Variants in GRK5 observed in about 807,000 individuals in gnomAD.
GRK5 encodes g protein-coupled receptor kinase GRK5.
A neutral mutation model predicts 78.4 loss-of-function variants in GRK5; 40 were observed. The observed-to-expected ratio is 0.51, with a 90% CI of 0.40 to 0.66. GRK5 has a LOEUF of 0.66. Among genes scored for constraint, GRK5 ranks in the 30% least tolerant of loss-of-function variants. GRK5 has a pLI of 0.00. For synonymous variants in GRK5, 289 were observed against 296.8 expected, an observed-to-expected ratio of 0.97 and a Z score of 0.27; for missense variants, 598 against 759.9, an observed-to-expected ratio of 0.79 and a Z score of 2.50.
At chr10:119,309,432 G>T (rs1850325476) in intron 1 of GRK5, among the ~76,000 whole-genome samples, 1 of 152,210 alleles carries the variant, frequency 6.6e-6, no homozygotes, top group African/African-American at 2.4e-5. Flanking sequence ...GGTCCAATGG[G>T]AGTGTTGAGG....
At chr10:119,350,616 G>A (rs1464902814) in intron 2 of GRK5, among the ~76,000 whole-genome samples, 1 of 152,226 alleles carries the variant, frequency 6.6e-6, no homozygotes, top group Non-Finnish European at 1.5e-5. Context: ...CCCTCTTTCA[G>A]AAGGTTTTAT....
chr10:119,375,476 G>A (rs575762162), intron 2 of GRK5, among the ~76,000 whole-genome samples: 19 of 152,244 alleles, frequency 1.2e-4, no homozygotes, highest in South Asian at 2.1e-4. Context: ...CCTCTGCCAC[G>A]ACACCTTCCA....
intron 1 of GRK5, among the ~76,000 whole-genome samples, chr10:119,255,741 C>A (rs989448449): frequency 6.6e-6 from 1 of 152,184 alleles, no homozygotes; most frequent in Non-Finnish European, 1.5e-5. Flanking sequence ...CCTTGAGGGA[C>A]AAGGTGGTGA....
At chr10:119,414,784 A>G (rs1852413119) in intron 4 of GRK5, among the ~76,000 whole-genome samples, 1 of 152,136 alleles carries the variant, frequency 6.6e-6, no homozygotes, top group African/African-American at 2.4e-5. Context: ...GTGGGTGCTC[A>G]AGAAAAGGCA....
chr10:119,208,007 C>T, intron 1 of GRK5, 38 bp downstream of exon 1: 1 of 1,589,310 alleles, frequency 6.3e-7, no homozygotes, highest in Non-Finnish European at 8.6e-7. Context: ...GCGCGTCCGC[C>T]GCGGGCCAGG....
At chr10:119,385,766 C>T (rs1412072316) in intron 3 of GRK5, among the ~76,000 whole-genome samples, 8 of 152,092 alleles carry the variant, frequency 5.3e-5, no homozygotes, top group South Asian at 2.1e-4. Flanking sequence ...TAGGCACACG[C>T]GCCTTGGGAT....
Position 119,455,320 on chromosome 10 carries a change from T to C in GRK5, c.*253T>C, listed in dbSNP as rs558138832. Reference sequence around the variant, plus strand: ...GGTGAACATTGCAATAGAAATCCAATTGGATACGACAACTTGCACGTATTT... The same window carrying C: ...GGTGAACATTGCAATAGAAATCCAACTGGATACGACAACTTGCACGTATTT... On this transcript the variant is annotated 3_prime_UTR_variant, in exon 16 of 16. Transcript: ENST00000392870. 3.4e-5 allele frequency: 23 copies of C among 676,550 alleles called. No homozygotes were observed. The highest frequency in any genetic ancestry group is 1.8e-4 in the South Asian group (12 of 65,880). 41.9% of individuals were successfully genotyped at this position (676,550 alleles called of 1,614,324 possible).
chr10:119,332,573 A>C (rs187356893), intron 2 of GRK5, among the ~76,000 whole-genome samples: 49 of 152,334 alleles, frequency 3.2e-4, no homozygotes, highest in Non-Finnish European at 1.2e-4. Flanking sequence ...GCAAATTTTC[A>C]GTTAGAGGTT....
rs558782931 is a variant in GRK5 at position 119,263,372 on chromosome 10, A to G, written c.52+55403A>G. ...GCAGTGGAAAAAAAATTTTTTTTTC[A>G]TTGTATTAACAGACTTTGGTTAATA... On this transcript the variant is annotated intron_variant, in intron 1 of 15. Coordinates refer to ENST00000392870, the MANE Select transcript of GRK5 (RefSeq NM_005308.3). Among the ~76,000 whole-genome samples the G allele has an allele frequency of 2.0e-4, 31 of 152,136 alleles. 1 individual carries two copies. Among genetic ancestry groups the G allele is most frequent in the Admixed American group, 1.8e-3 (27 of 15,282 alleles).
intron 2 of GRK5, among the ~76,000 whole-genome samples, chr10:119,329,548 T>C (rs1214673322): frequency 6.6e-6 from 1 of 152,006 alleles, no homozygotes; most frequent in East Asian, 1.9e-4. Flanking sequence ...CTGACCAACA[T>C]GGAGAAGCCC....
At chr10:119,319,685 G>A (rs1046270156) in intron 1 of GRK5, among the ~76,000 whole-genome samples, 1 of 152,224 alleles carries the variant, frequency 6.6e-6, no homozygotes, top group Admixed American at 6.5e-5. Flanking sequence ...GAGGCTCCTC[G>A]GGACAGGAAA....
chr10:119,230,837 A>G (rs1848816183), intron 1 of GRK5, among the ~76,000 whole-genome samples: 1 of 150,178 alleles, frequency 6.7e-6, no homozygotes, highest in African/African-American at 2.4e-5. Flanking sequence ...TCTCAAAAAA[A>G]AAAAAAAAAA....
At chr10:119,399,547 A>G (rs1210074131) in intron 4 of GRK5, among the ~76,000 whole-genome samples, 2 of 152,202 alleles carry the variant, frequency 1.3e-5, no homozygotes, top group Non-Finnish European at 2.9e-5. Flanking sequence ...AAGGTAGACC[A>G]TAGGAGAGTG....
At chr10:119,265,666 C>T (rs1849483358) in intron 1 of GRK5, among the ~76,000 whole-genome samples, 1 of 152,218 alleles carries the variant, frequency 6.6e-6, no homozygotes, top group South Asian at 2.1e-4. Flanking sequence ...CTGAGCTGAT[C>T]AGTACAGTCG....
At chr10:119,326,298 C>T (rs957860133) in intron 1 of GRK5, among the ~76,000 whole-genome samples, 4 of 152,136 alleles carry the variant, frequency 2.6e-5, no homozygotes, top group East Asian at 1.9e-4. Context: ...GCTAGGGGGC[C>T]GGGGTCAGGC....
At chr10:119,402,173 G>C (rs1372293275) in intron 4 of GRK5, among the ~76,000 whole-genome samples, 2 of 152,222 alleles carry the variant, frequency 1.3e-5, no homozygotes, top group East Asian at 3.9e-4. Context: ...TGGAATATTA[G>C]GTGAGCACAC....
chr10:119,260,578 G>C (rs2133652381), intron 1 of GRK5, among the ~76,000 whole-genome samples: 1 of 152,014 alleles, frequency 6.6e-6, no homozygotes, highest in South Asian at 2.1e-4. Flanking sequence ...GTGTCCCTGG[G>C]TACTTGAGAT....
At chr10:119,330,243 T>A (rs1230822341) in intron 2 of GRK5, 1 of 152,022 alleles carries the variant, frequency 6.6e-6, no homozygotes, top group African/African-American at 2.4e-5. Context: ...ACAACAGACA[T>A]TTATCTCTCA....
intron 2 of GRK5, among the ~76,000 whole-genome samples, chr10:119,357,037 A>T (rs1295104300): frequency 6.6e-6 from 1 of 152,256 alleles, no homozygotes; most frequent in Non-Finnish European, 1.5e-5. Flanking sequence ...ATGCTAGGGA[A>T]GAAAAAATTC....
Sources: allele counts gnomAD v4.1 joint callset (sites outside exome capture counted in the v4.1 genomes callset), GRCh38; gene constraint gnomAD v4.1.1; transcripts MANE v1.5; gene names NCBI Gene and HGNC (gene_info 2026-07-23, HGNC 2026-07-21).